The following TG variants were observed in gnomAD, a reference collection of about 807,000 sequenced individuals.
The protein encoded by TG is thyroglobulin.
TG carries 270 observed loss-of-function variants against 324.7 expected under a neutral mutation model. The observed-to-expected ratio is 0.83, with a 90% confidence interval of 0.75 to 0.92. The LOEUF (loss-of-function observed/expected upper bound fraction) is 0.92. TG is among the 40% of genes least tolerant of loss of function. The probability of loss-of-function intolerance (pLI) is 0.00; values close to 1 mark genes in which losing one functional copy is unlikely to be tolerated. For missense variants in TG, 3,591 were observed against 3,456.4 expected (o/e 1.04, Z -0.98); for synonymous variants, 1,401 against 1,327.0 (o/e 1.06, Z -1.21).
At chr8:132,892,033 C>A (rs1463901375) in intron 10 of TG, among the ~76,000 whole-genome samples, 2 of 152,202 alleles carry the variant, frequency 1.3e-5, no homozygotes, top group African/African-American at 4.8e-5. Flanking sequence ...CTAGATGCCC[C>A]AATTTTTCCC....
At chr8:132,900,029 G>A (rs867615558) in intron 14 of TG, among the ~76,000 whole-genome samples, 1 of 152,194 alleles carries the variant, frequency 6.6e-6, no homozygotes, top group Non-Finnish European at 1.5e-5. Context: ...TGTGGTCCAT[G>A]CCTCATGAGG....
intron 45 of TG, among the ~76,000 whole-genome samples, chr8:133,130,063 T>G (rs1851828760): frequency 6.6e-6 from 1 of 152,198 alleles, no homozygotes; most frequent in Admixed American, 6.5e-5. Flanking sequence ...AATATTTTAT[T>G]GCTAAACCTC....
intron 34 of TG, among the ~76,000 whole-genome samples, chr8:132,982,287 C>G (rs1830964419): frequency 6.6e-6 from 1 of 152,178 alleles, no homozygotes; most frequent in African/African-American, 2.4e-5. Flanking sequence ...GGAGCCCCTA[C>G]TTTTGACTGC....
intron 24 of TG, among the ~76,000 whole-genome samples, 187 bp from the exon 25 acceptor site, chr8:132,935,569 G>A (rs1240651905): frequency 6.6e-6 from 1 of 152,132 alleles, no homozygotes; most frequent in East Asian, 1.9e-4. Flanking sequence ...TTAATTATAT[G>A]TATCTTTGCA....
chr8:133,053,980 A>C (rs1840898078), intron 41 of TG, among the ~76,000 whole-genome samples: 1 of 152,194 alleles, frequency 6.6e-6, no homozygotes, highest in Non-Finnish European at 1.5e-5. Flanking sequence ...GCCAAACGGG[A>C]CAAAGTCACT....
intron 24 of TG, among the ~76,000 whole-genome samples, chr8:132,935,307 A>G (rs888440740): frequency 4.7e-5 from 7 of 148,940 alleles, no homozygotes; most frequent in Admixed American, 4.7e-4. Context: ...CACCCGATTA[A>G]TTTTTTTTTT....
chr8:132,971,796 T>C lies in TG; in HGVS notation c.5978T>C (p.Phe1993Ser), dbSNP rs1457261377. 2 of 1,612,262 alleles carry C rather than the reference T, an allele frequency of 1.2e-6. No homozygotes were observed. Among genetic ancestry groups the C allele is most frequent in the Non-Finnish European group, 1.7e-6 (2 of 1,178,324 alleles). The stretch of plus-strand genomic sequence containing the variant: ...TGCTCTTTCTCTTCCTATGCCAGGT[T>C]CTTTGAATGTGAACGACGGTGCGAT... ...PMSEKSISNG[F>S]FECERRCDAD... Residue 1993 changes from phenylalanine to serine, a missense_variant and splice_region_variant, in exon 33 of 48, where the codon TTC becomes TCC. Transcript: ENST00000220616.
At chr8:132,902,198 A>G (rs1818022663) in intron 16 of TG, among the ~76,000 whole-genome samples, 2 of 152,098 alleles carry the variant, frequency 1.3e-5, no homozygotes, top group Admixed American at 6.6e-5. Context: ...CTTATTACCA[A>G]TTGGGGTGGT....
chr8:133,050,910 C>T, intron 41 of TG: 1 of 1,610,650 alleles, frequency 6.2e-7, no homozygotes, highest in Non-Finnish European at 8.5e-7. Flanking sequence ...AAGTCGCTAT[C>T]CAGTCCTGGG....
At chr8:133,017,467 G>C (rs1027471417) in intron 37 of TG, among the ~76,000 whole-genome samples, 1 of 152,122 alleles carries the variant, frequency 6.6e-6, no homozygotes, top group Non-Finnish European at 1.5e-5. Flanking sequence ...TTGCTTCTCT[G>C]TTCTTTCAAA....
intron 45 of TG, among the ~76,000 whole-genome samples, chr8:133,124,777 A>G (rs892780003): frequency 6.6e-6 from 1 of 152,348 alleles, no homozygotes; most frequent in East Asian, 1.9e-4. Flanking sequence ...ACCCTGGAAA[A>G]CAAAGCTGTA....
chr8:132,970,530 C>T (rs1261717901), intron 32 of TG, among the ~76,000 whole-genome samples: 1 of 152,176 alleles, frequency 6.6e-6, no homozygotes, highest in Non-Finnish European at 1.5e-5. Context: ...CATTCATGAA[C>T]CATTGATCTA....
At chr8:132,966,505 C>T (rs1185847372) in intron 29 of TG, 55 bp from the exon 30 acceptor site, 1 of 1,603,734 alleles carries the variant, frequency 6.2e-7, no homozygotes, top group Non-Finnish European at 8.5e-7. Context: ...TTGTGTTTTT[C>T]TCATATTCAC....
intron 43 of TG, among the ~76,000 whole-genome samples, chr8:133,100,857 A>G (rs1014548721): frequency 2.0e-5 from 3 of 152,222 alleles, no homozygotes; most frequent in Admixed American, 6.5e-5. Context: ...TAAAATTTCA[A>G]TAGCCTTAGG....
At chr8:133,004,064 C>T (rs578089248) in intron 35 of TG, among the ~76,000 whole-genome samples, 16 of 152,326 alleles carry the variant, frequency 1.1e-4, no homozygotes, top group African/African-American at 3.6e-4. Context: ...CATTGCTAGT[C>T]TATCTGGTCA....
At chr8:132,916,012 T>G (rs1364847056) in intron 20 of TG, among the ~76,000 whole-genome samples, 1 of 152,174 alleles carries the variant, frequency 6.6e-6, no homozygotes, top group Non-Finnish European at 1.5e-5. Context: ...CTTACTAACA[T>G]TTTACTGTCC....
chr8:132,928,977 G>C (rs1360728550), intron 22 of TG, 99 bp from the exon 23 acceptor site: 1 of 944,158 alleles, frequency 1.1e-6, no homozygotes. Flanking sequence ...CAAGAGCTAC[G>C]AATGGGTATT....
chr8:132,888,434 T>C lies in TG; in HGVS notation c.2627T>C (p.Leu876Pro). 2 of 1,613,090 alleles carry C rather than the reference T, an allele frequency of 1.2e-6. No individual in the cohort carries two copies. The highest frequency in any genetic ancestry group is 2.2e-5 in the South Asian group (2 of 91,010). ...TTCTGGCAGATCTTAAATGGCCAAC[T>C]CAGCCAATACCCGGGGTCCTACTCA... is the stretch of plus-strand genomic sequence containing the variant. ...YLFWQILNGQ[L>P]SQYPGSYSDF... The change falls in exon 10 of 48, where the codon CTC becomes CCC. Residue 876 changes from leucine (L) to proline (P), a missense_variant. Transcript: ENST00000220616.
chr8:133,002,497 A>C, intron 35 of TG: 2 of 885,132 alleles, frequency 2.3e-6, no homozygotes, highest in Non-Finnish European at 2.7e-6. Context: ...TTCAGACACA[A>C]TTAAAATTTG....
Sources: allele counts gnomAD v4.1 joint callset (sites outside exome capture counted in the v4.1 genomes callset), GRCh38; gene constraint gnomAD v4.1.1; transcripts MANE v1.5; gene names NCBI Gene and HGNC (gene_info 2026-07-23, HGNC 2026-07-21).